Variants in EFNA5 observed in about 807,000 individuals in gnomAD.
The protein encoded by EFNA5 is ephrin A5.
EFNA5 carries 5 observed loss-of-function variants against 22.9 expected under a neutral mutation model. The ratio of observed to expected loss-of-function variants is 0.22; its 90% CI spans 0.11 to 0.46. EFNA5 has a LOEUF of 0.46. EFNA5 is among the 20% of genes least tolerant of loss of function. The pLI is 0.99. For missense variants in EFNA5, 237 were observed against 293.3 expected (o/e 0.81, Z 1.40); for synonymous variants, 113 against 112.2 (o/e 1.01, Z -0.04).
intron 1 of EFNA5, among the ~76,000 whole-genome samples, chr5:107,556,753 AAAATAAATAAAT>A (rs35945658): frequency 4.8e-4 from 59 of 122,632 alleles, no homozygotes; most frequent in Middle Eastern, 3.8e-3. Flanking sequence ...TCTCAAAATA[AAAATAAATAAAT>A]AAATAAATAA....
At chr5:107,459,988 T>G (rs1328195817) in intron 1 of EFNA5, among the ~76,000 whole-genome samples, 22 of 152,172 alleles carry the variant, frequency 1.4e-4, no homozygotes, top group Admixed American at 1.4e-3. Context: ...CCTTAGGAAC[T>G]GTTTAACCAC....
intron 2 of EFNA5, among the ~76,000 whole-genome samples, chr5:107,389,990 C>T (rs252818): frequency 0.8 from 122,268 of 152,140 alleles, 49,525 homozygotes; most frequent in African/African-American, 0.83. Flanking sequence ...AATATTAGCA[C>T]ACAATGTGAT....
intron 1 of EFNA5, among the ~76,000 whole-genome samples, chr5:107,427,797 G>A (rs1031453127): frequency 6.6e-6 from 1 of 151,966 alleles, no homozygotes; most frequent in African/African-American, 2.4e-5. Context: ...CTTTCAAACT[G>A]TGGAACTCTA....
chr5:107,657,289 C>T (rs533965358), intron 1 of EFNA5, among the ~76,000 whole-genome samples: 4 of 152,196 alleles, frequency 2.6e-5, no homozygotes, highest in Admixed American at 6.5e-5. Context: ...CTAAATTTAA[C>T]AATCTTTGAA....
At chr5:107,431,703 A>G (rs1238984875) in intron 1 of EFNA5, among the ~76,000 whole-genome samples, 1 of 152,120 alleles carries the variant, frequency 6.6e-6, no homozygotes, top group Non-Finnish European at 1.5e-5. Context: ...TCAGCACTAT[A>G]TTCCTCCAGA....
In EFNA5 at chr5:107,569,451, GTGTGTATATATATTTATATATA is replaced by G. The variant is rs1445262983; in HGVS notation, c.125+101016_125+101037del. On this transcript the variant is annotated intron_variant, in intron 1 of 4. Coordinates refer to ENST00000333274, the MANE Select transcript of EFNA5 (RefSeq NM_001962.3). ...TGTGTATATATATATTTATATATGT[GTGTGTATATATATTTATATATA>G]TGTGTATATATATTTATATATATGT... Among the ~76,000 whole-genome samples, 330 of 136,636 alleles carry G rather than the reference GTGTGTATATATATTTATATATA, an allele frequency of 2.4e-3. 3 individuals are homozygous for G. The highest frequency in any genetic ancestry group is 7.7e-3 in the Middle Eastern group (2 of 260). 89.6% of individuals were successfully genotyped at this position (136,636 alleles called of 152,430 possible).
At chr5:107,669,490 A>G (rs1324948958) in intron 1 of EFNA5, among the ~76,000 whole-genome samples, 2 of 151,990 alleles carry the variant, frequency 1.3e-5, no homozygotes, top group African/African-American at 4.8e-5. Context: ...AAGGTTCGGA[A>G]CTGCTCCAGA....
chr5:107,506,728 C>G (rs1747260366), intron 1 of EFNA5, among the ~76,000 whole-genome samples: 1 of 152,160 alleles, frequency 6.6e-6, no homozygotes. Context: ...GCAGGAAAAA[C>G]AGTTTTGGCT....
intron 2 of EFNA5, among the ~76,000 whole-genome samples, chr5:107,396,418 A>G (rs1747925978): frequency 6.6e-6 from 1 of 152,178 alleles, no homozygotes; most frequent in African/African-American, 2.4e-5. Context: ...GGTGATCCCT[A>G]CAGATCTAGA....
At chr5:107,463,393 T>C (rs1749886211) in intron 1 of EFNA5, among the ~76,000 whole-genome samples, 1 of 152,118 alleles carries the variant, frequency 6.6e-6, no homozygotes, top group South Asian at 2.1e-4. Context: ...TATTTCTGAT[T>C]TTCCTCAATA....
At chr5:107,447,967 C>T (rs570809899) in intron 1 of EFNA5, among the ~76,000 whole-genome samples, 56 of 152,204 alleles carry the variant, frequency 3.7e-4, no homozygotes, top group East Asian at 1.4e-3. Flanking sequence ...CTGCCTCAGC[C>T]TCCCGAGTAG....
chr5:107,460,679 C>T (rs930296260), intron 1 of EFNA5, among the ~76,000 whole-genome samples: 1 of 152,106 alleles, frequency 6.6e-6, no homozygotes, highest in Non-Finnish European at 1.5e-5. Context: ...TGACCTACTT[C>T]TGATATCTTA....
chr5:107,501,315 T>A (rs577651040), intron 1 of EFNA5, among the ~76,000 whole-genome samples: 3 of 152,348 alleles, frequency 2.0e-5, no homozygotes, highest in African/African-American at 7.2e-5. Context: ...ACATCAACTA[T>A]ACAATCAATA....
intron 1 of EFNA5, among the ~76,000 whole-genome samples, chr5:107,605,468 C>A (rs941536669): frequency 6.6e-6 from 1 of 151,954 alleles, no homozygotes; most frequent in African/African-American, 2.4e-5. Flanking sequence ...TAGTGAGAAA[C>A]CTTATAGGAG....
intron 1 of EFNA5, among the ~76,000 whole-genome samples, chr5:107,655,924 G>C (rs1298262132): frequency 6.6e-6 from 1 of 152,074 alleles, no homozygotes. Context: ...GTTTAAGATA[G>C]TCAATAGCAA....
At chr5:107,542,557 G>T (rs367580878) in intron 1 of EFNA5, among the ~76,000 whole-genome samples, 2 of 151,972 alleles carry the variant, frequency 1.3e-5, no homozygotes, top group South Asian at 2.1e-4. Flanking sequence ...TGGTATAAGG[G>T]GGGGGTGCGG....
chr5:107,550,785 G>A (rs1748277190), intron 1 of EFNA5, among the ~76,000 whole-genome samples: 1 of 152,122 alleles, frequency 6.6e-6, no homozygotes, highest in African/African-American at 2.4e-5. Flanking sequence ...ACTTCTAGAA[G>A]TCCTTAGAAT....
chr5:107,648,522 G>A (rs1237462030), intron 1 of EFNA5, among the ~76,000 whole-genome samples: 3 of 151,904 alleles, frequency 2.0e-5, no homozygotes, highest in Non-Finnish European at 4.4e-5. Flanking sequence ...TTTATTCTAG[G>A]CTCTTCTTTT....
intron 1 of EFNA5, among the ~76,000 whole-genome samples, chr5:107,490,015 C>T (rs1251739737): frequency 2.0e-5 from 3 of 152,158 alleles, no homozygotes; most frequent in Non-Finnish European, 4.4e-5. Context: ...TCCAGGGTCC[C>T]TCAGCTGGGG....
Sources: allele counts gnomAD v4.1 joint callset (sites outside exome capture counted in the v4.1 genomes callset), GRCh38; gene constraint gnomAD v4.1.1; transcripts MANE v1.5; gene names NCBI Gene and HGNC (gene_info 2026-07-23, HGNC 2026-07-21).